COL20A1: variants seen among roughly 807,000 people sequenced by gnomAD.
The protein encoded by COL20A1 is collagen type XX alpha 1 chain.
In COL20A1, 164 loss-of-function variants were observed where a neutral mutation model predicts 152.9. The ratio of observed to expected loss-of-function variants is 1.07; its 90% CI spans 0.94 to 1.22. COL20A1 has a LOEUF of 1.22. Ranked by LOEUF, COL20A1 falls within the 50% of genes most tolerant of loss-of-function variation. COL20A1 has a pLI of 0.00. For missense variants in COL20A1, 1,873 were observed against 1,744.8 expected (o/e 1.07, Z -1.31); for synonymous variants, 864 against 756.0 (o/e 1.14, Z -2.34).
chr20:63,299,184 G>T (rs368683529), intron 3 of COL20A1, among the ~76,000 whole-genome samples: 1 of 152,352 alleles, frequency 6.6e-6, no homozygotes, highest in South Asian at 2.1e-4. Flanking sequence ...TGGCTGTTGT[G>T]TAGACGCCGT....
chr20:63,312,468 T>G lies in COL20A1; in HGVS notation c.1852T>G (p.Ser618Ala). Residue 618 changes from serine (S) to alanine (A), a missense_variant, in exon 15 of 36, where the codon TCC becomes GCC. Coordinates refer to ENST00000358894, the MANE Select transcript of COL20A1 (RefSeq NM_020882.4). ...CTCGGCCACGCTGGGGCCTCTCTCT[T>G]CCTCCACCACCTACACTGTCCGTGT... Reference protein sequence around the residue: ...ATSATLGPLSSSTTYTVRVTC... With the variant: ...ATSATLGPLSASTTYTVRVTC... 1.2e-6 allele frequency: 2 copies of G among 1,608,128 alleles called. No individual in the cohort carries two copies. The highest frequency in any genetic ancestry group is 1.7e-6 in the Non-Finnish European group (2 of 1,178,530).
intron 29 of COL20A1, 78 bp from the exon 30 acceptor site, chr20:63,326,018 C>A: frequency 7.7e-7 from 1 of 1,298,446 alleles, no homozygotes; most frequent in Non-Finnish European, 1.1e-6. Context: ...GTGTTGGGTG[C>A]TGCTGGGGGG....
chr20:63,322,262 C>T (rs1167144355), intron 27 of COL20A1, among the ~76,000 whole-genome samples, 151 bp downstream of exon 27: 1 of 152,044 alleles, frequency 6.6e-6, no homozygotes, highest in Non-Finnish European at 1.5e-5. Flanking sequence ...CAGGCAGGGA[C>T]CCCAGCACCC....
At position 63,309,860 on chromosome 20, in the gene COL20A1, AC is replaced by A; in HGVS notation, c.1213del (p.Leu405SerfsTer4). 1 of 1,610,098 alleles carries A rather than the reference AC, an allele frequency of 6.2e-7. No homozygotes were observed. The highest frequency in any genetic ancestry group is 8.5e-7 in the Non-Finnish European group (1 of 1,178,910). On this transcript the variant is annotated frameshift_variant, in exon 10 of 36. Coordinates refer to ENST00000358894, the MANE Select transcript of COL20A1 (RefSeq NM_020882.4). LOFTEE classifies it high-confidence loss of function. ...CTGTCCTGGACTCCAGCCCCCCGGC[AC>A]CCCCTCAAGTATCTGATCGTTTGGC... ...IRLSWTPAPR[H>X]PLKYLIVWRA...
At chr20:63,307,883 G>C in intron 6 of COL20A1, 88 bp from the exon 7 acceptor site, 3 of 1,495,516 alleles carry the variant, frequency 2.0e-6, no homozygotes, top group South Asian at 1.2e-5. Flanking sequence ...ACAGAGGCAC[G>C]TGCAGCTCTC....
In COL20A1 at chr20:63,311,332, C is replaced by G; in HGVS notation, c.1394-62C>G. The G allele has an allele frequency of 6.8e-7, 1 of 1,474,784 alleles. No individual in the cohort carries two copies. The highest frequency in any genetic ancestry group is 9.0e-7 in the Non-Finnish European group (1 of 1,106,232). 91.4% of individuals were successfully genotyped at this position (1,474,784 alleles called of 1,614,324 possible). A position where few individuals can be genotyped will look rare whatever the true frequency, so the allele number is the denominator to read the frequency against. On this transcript the variant is annotated intron_variant, in intron 11 of 35. Transcript: ENST00000358894. The surrounding 1 kb of genome is among the most constrained non-coding windows in gnomAD (Gnocchi z 4.4). ...CCACCCACTCTGGTGTGAGGGTGCC[C>G]CGTGCGTGGGTGTGATCTCTGTGTG... is the stretch of plus-strand genomic sequence containing the variant.
rs559281565 is a variant in COL20A1 at position 63,308,687 on chromosome 20, C to A, written c.921C>A (p.Gly307=). The A allele has an allele frequency of 3.7e-6, 6 of 1,605,016 alleles. No homozygotes were observed. The South Asian group carries it at 5.6e-5, about 15-fold the overall frequency. ...HTAARVLKDL[G]VNVFAVGVKN... ...CTGCCCGTGTCCTCAAGGACCTGGGCGTGAACGTCTTCGCTGTGGGTGAGC... is the reference window on the plus strand; with the variant it reads ...CTGCCCGTGTCCTCAAGGACCTGGGAGTGAACGTCTTCGCTGTGGGTGAGC... The change falls in exon 8 of 36, where the codon GGC becomes GGA. Residue 307 remains glycine, a synonymous_variant. Transcript: ENST00000358894.
Position 63,313,780 on chromosome 20 carries a change from G to T in COL20A1, c.2247G>T (p.Leu749=). 1 of 1,608,926 alleles carries T rather than the reference G, an allele frequency of 6.2e-7. No homozygotes were observed. Among genetic ancestry groups the T allele is most frequent in the South Asian group, 1.1e-5 (1 of 90,644 alleles). ...GGAGCCCACCCTCCAACCTGGCCCT[G>T]GCCTCGGAGACCCCCGACAGCCTGC... is the stretch of plus-strand genomic sequence containing the variant. The part of the protein sequence containing the change: ...VSRSPPSNLA[L]ASETPDSLQV... The change falls in exon 18 of 36, where the codon CTG becomes CTT. Residue 749 remains leucine (L), a synonymous_variant. Transcript: ENST00000358894. This position sits in a 1 kb window ranked among gnomAD's most constrained non-coding sequence, Gnocchi z 5.9.
Position 63,333,069 on chromosome 20 carries a change from A to G in COL20A1, c.*2353A>G, listed in dbSNP as rs540215311. 3 of 151,742 alleles carry G rather than the reference A, an allele frequency of 2.0e-5. No homozygotes were observed. In the South Asian group the frequency reaches 6.3e-4, roughly 32 times the overall value. 9.4% of individuals were successfully genotyped at this position (151,742 alleles called of 1,614,324 possible). A position where few individuals can be genotyped will look rare whatever the true frequency, so the allele number is the denominator to read the frequency against. Reference sequence around the variant, plus strand: ...TGAGCCGGGGCTCACGCTCCTGGCCAGAGCGCTGGGTTTCTGGCAATGCCT... The same window carrying G: ...TGAGCCGGGGCTCACGCTCCTGGCCGGAGCGCTGGGTTTCTGGCAATGCCT... On this transcript the variant is annotated 3_prime_UTR_variant, in exon 36 of 36. Coordinates refer to ENST00000358894, the MANE Select transcript of COL20A1 (RefSeq NM_020882.4).
chr20:63,307,615 C>G lies in COL20A1; in HGVS notation c.622C>G (p.Pro208Ala). ...VKDFLASVIA[P>A]FEIGPDKVQV... ...GGACTTCCTGGCCAGTGTCATCGCA[C>G]CCTTTGAAATCGGGCCGGATAAGGT... The change falls in exon 6 of 36, where the codon CCC becomes GCC. Residue 208 changes from proline to alanine, a missense_variant. Pro to Ala is a conservative substitution (Grantham distance 27, BLOSUM62 -1). Transcript: ENST00000358894. 2 of 1,612,598 alleles carry G rather than the reference C, an allele frequency of 1.2e-6. No homozygotes were observed. The highest frequency in any genetic ancestry group is 1.7e-6 in the Non-Finnish European group (2 of 1,179,720).
At position 63,325,452 on chromosome 20, in the gene COL20A1, G is replaced by T. The variant is rs1601440354; in HGVS notation, c.3306G>T (p.Gly1102=). 6.2e-7 allele frequency: 1 copy of T among 1,612,842 alleles called. No homozygotes were observed. Among genetic ancestry groups the T allele is most frequent in the African/African-American group, 1.3e-5 (1 of 75,048 alleles). ...TCTTCCCCCTCCAGGGTCCACCAGG[G>T]GTCAAAGGAGAGAAGGGAGACCATG... ...QGFPGPRGPP[G]VKGEKGDHGL... The change falls in exon 28 of 36, where the codon GGG becomes GGT. Residue 1102 remains glycine (G), a synonymous_variant. Coordinates refer to ENST00000358894, the MANE Select transcript of COL20A1 (RefSeq NM_020882.4).
chr20:63,308,197 C>T (rs918405490), intron 7 of COL20A1, 107 bp downstream of exon 7: 1 of 1,369,822 alleles, frequency 7.3e-7, no homozygotes, highest in African/African-American at 1.4e-5. Flanking sequence ...GTGGTGTGGA[C>T]CTGAGCCCTG....
chr20:63,306,081 T>G lies in COL20A1; in HGVS notation c.496+42T>G, dbSNP rs760391943. 6.1e-5 allele frequency: 93 copies of G among 1,522,564 alleles called. No individual in the cohort carries two copies. The highest frequency in any genetic ancestry group is 8.0e-5 in the Non-Finnish European group (90 of 1,129,734). The allele number at this position is 1,522,564 out of a possible 1,614,324, so 94.3% of individuals were successfully genotyped here. A position where few individuals can be genotyped will look rare whatever the true frequency, so the allele number is the denominator to read the frequency against. On this transcript the variant is annotated intron_variant, in intron 5 of 35. Transcript: ENST00000358894. The surrounding 1 kb of genome is among the most constrained non-coding windows in gnomAD (Gnocchi z 6.9). ...AGAGAGTAAGTCTCCGGGGAGGGAG[T>G]GACCTTTGGTTTCCCACATTTCCCA... is the stretch of plus-strand genomic sequence containing the variant.
chr20:63,310,462 A>G lies in COL20A1; in HGVS notation c.1345A>G (p.Ile449Val). Residue 449 changes from isoleucine (I) to valine (V), a missense_variant, in exon 11 of 36, where the codon ATC (isoleucine) becomes GTC (valine). Physicochemically the swap from Ile to Val is conservative, Grantham distance 29 (BLOSUM62 3). Coordinates refer to ENST00000358894, the MANE Select transcript of COL20A1 (RefSeq NM_020882.4). ...RTEYLVSVFPIYEGGVGEGLR... is the reference protein window; with the variant it reads ...RTEYLVSVFPVYEGGVGEGLR... ...AGAGTACCTGGTCTCCGTGTTCCCC[A>G]TCTATGAGGGCGGGGTTGGCGAAGG... The G allele has an allele frequency of 6.2e-7, 1 of 1,608,988 alleles. No individual in the cohort carries two copies. Among genetic ancestry groups the G allele is most frequent in the South Asian group, 1.1e-5 (1 of 90,076 alleles).
At chr20:63,301,492 T>C (rs1421108315) in intron 3 of COL20A1, among the ~76,000 whole-genome samples, 3 of 152,204 alleles carry the variant, frequency 2.0e-5, no homozygotes, top group South Asian at 2.1e-4. Flanking sequence ...GGTCTACTTA[T>C]GCTGTTACTG....
Position 63,311,559 on chromosome 20 carries a change from G to A in COL20A1, c.1539+20G>A, listed in dbSNP as rs1416541730. On this transcript the variant is annotated intron_variant, in intron 12 of 35. Transcript: ENST00000358894. The surrounding 1 kb of genome is among the most constrained non-coding windows in gnomAD (Gnocchi z 4.4). ...CGAGAGGTGAGCTGGGCCGGGGGGT[G>A]GCGGGGGAGGCAGAGGAGTGGGGCA... is the stretch of plus-strand genomic sequence containing the variant. The A allele has an allele frequency of 1.2e-6, 2 of 1,605,388 alleles. No individual in the cohort carries two copies. The highest frequency in any genetic ancestry group is 1.7e-6 in the Non-Finnish European group (2 of 1,176,914).
Position 63,313,783 on chromosome 20 carries a change from C to T in COL20A1, c.2250C>T (p.Ala750=). ...GCCCACCCTCCAACCTGGCCCTGGC[C>T]TCGGAGACCCCCGACAGCCTGCAGG... ...SRSPPSNLAL[A]SETPDSLQVS... is the part of the protein sequence containing the mutation. The change falls in exon 18 of 36, where the codon GCC becomes GCT. Residue 750 remains alanine, a synonymous_variant. Transcript: ENST00000358894. The surrounding 1 kb of genome is among the most constrained non-coding windows in gnomAD (Gnocchi z 5.9). The T allele has an allele frequency of 1.2e-6, 2 of 1,609,484 alleles. No individual in the cohort carries two copies. The highest frequency in any genetic ancestry group is 8.5e-7 in the Non-Finnish European group (1 of 1,178,482).
rs1388564302 is a variant in COL20A1, at chr20:63,295,168, C to G, written c.61C>G (p.Leu21Val). The change falls in exon 2 of 36, where the codon CTG becomes GTG. Residue 21 changes from leucine to valine, a missense_variant. Coordinates refer to ENST00000358894, the MANE Select transcript of COL20A1 (RefSeq NM_020882.4). ...CCTCTGGCTGTGGCTGGGCGCCACC[C>G]TGGGAAGAGAGCAAGTTCAAGGTAA... ...LCLWLWLGAT[L>V]GREQVQASGL... is the part of the protein sequence containing the mutation. 21 of 1,554,882 alleles carry G rather than the reference C, an allele frequency of 1.4e-5. No homozygotes were observed. Among genetic ancestry groups the G allele is most frequent in the East Asian group, 9.7e-5 (4 of 41,226 alleles).
At position 63,313,663 on chromosome 20, in the gene COL20A1, C is replaced by A; in HGVS notation, c.2210-80C>A. 7.4e-7 allele frequency: 1 copy of A among 1,358,868 alleles called. No individual in the cohort carries two copies. Among genetic ancestry groups the A allele is most frequent in the Non-Finnish European group, 9.8e-7 (1 of 1,015,578 alleles). 84.2% of individuals were successfully genotyped at this position (1,358,868 alleles called of 1,614,324 possible). A position where few individuals can be genotyped will look rare whatever the true frequency, so the allele number is the denominator to read the frequency against. On this transcript the variant is annotated intron_variant, in intron 17 of 35. Transcript: ENST00000358894. This position sits in a 1 kb window ranked among gnomAD's most constrained non-coding sequence, Gnocchi z 5.9. ...GGCATTACGCAGAGCAGGGTAGGGGCTGGGCAGCTGGTCCTCTGGCCACCG... is the reference window on the plus strand; with the variant it reads ...GGCATTACGCAGAGCAGGGTAGGGGATGGGCAGCTGGTCCTCTGGCCACCG...
Sources: gnomAD v4.1 joint callset for allele counts (sites outside exome capture counted in the v4.1 genomes callset) on GRCh38, gnomAD v4.1.1 for gene constraint, Gnocchi (gnomAD v3.1) non-coding constraint, MANE v1.5 for transcripts, NCBI Gene and HGNC (gene_info 2026-07-23, HGNC 2026-07-21) for gene names.